The following WIZ variants were observed in gnomAD, a reference collection of about 807,000 sequenced individuals.
WIZ encodes protein Wiz.
Under a neutral mutation model 140.2 loss-of-function variants are expected in WIZ, and 25 were observed. The observed-to-expected ratio is 0.18, with a 90% confidence interval of 0.13 to 0.25. The LOEUF (loss-of-function observed/expected upper bound fraction) is 0.25. Among genes scored for constraint, WIZ ranks in the 10% least tolerant of loss-of-function variants. The pLI, the probability that WIZ is intolerant of heterozygous loss-of-function variation, is 1.00. For synonymous variants in WIZ, 1,125 were observed against 1,154.3 expected (o/e 0.97, Z 0.51); for missense variants, 2,231 against 2,632.6 (o/e 0.85, Z 3.34).
At chr19:15,426,784 CAAAT>C (rs1170090408) in intron 9 of WIZ, among the ~76,000 whole-genome samples, 194 bp downstream of exon 9, 6 of 152,336 alleles carry the variant, frequency 3.9e-5, no homozygotes, top group Non-Finnish European at 5.9e-5. Flanking sequence ...TCCTGCTTCT[CAAAT>C]GAATAAAGGA....
rs987226693 is a variant in WIZ at position 15,423,012 on chromosome 19, G to A, written c.*64C>T. The A allele has an allele frequency of 9.5e-6, 15 of 1,575,650 alleles. No individual in the cohort carries two copies. The highest frequency in any genetic ancestry group is 4.6e-5 in the South Asian group (4 of 86,234). ...CGGAAAGAAAGAGGAAGAGGGACAA[G>A]GACACAGAGGAGGAAGAAGAGGAGA... On this transcript the variant is annotated 3_prime_UTR_variant, in exon 13 of 13. Transcript: ENST00000673675.
At chr19:15,436,147 A>G (rs956497823) in intron 5 of WIZ, among the ~76,000 whole-genome samples, 2 of 152,202 alleles carry the variant, frequency 1.3e-5, no homozygotes, top group Non-Finnish European at 2.9e-5. Flanking sequence ...TCTAGACTCT[A>G]GATCTGCACT....
intron 5 of WIZ, among the ~76,000 whole-genome samples, chr19:15,434,341 C>A (rs1969435546): frequency 6.6e-6 from 1 of 150,806 alleles, no homozygotes; most frequent in Non-Finnish European, 1.5e-5. Context: ...GCGGGCGGAT[C>A]ACAAGGTCAG....
In WIZ at chr19:15,425,044, A is replaced by AG. The variant is rs777104566; in HGVS notation, c.4895-13dup. The stretch of plus-strand genomic sequence containing the variant: ...GCAGGCCTCGGTGGCTGCGGGGCGG[A>AG]GGGGGTGCTGCTGAGTCACAGCCCA... On this transcript the variant is annotated splice_polypyrimidine_tract_variant and intron_variant, in intron 10 of 12. Transcript: ENST00000673675. The AG allele has an allele frequency of 1.9e-6, 3 of 1,558,576 alleles. No individual in the cohort carries two copies. In the South Asian group the frequency reaches 3.5e-5, roughly 18 times the overall value.
chr19:15,428,644 T>C lies in WIZ; in HGVS notation c.3416-136A>G, dbSNP rs948473106. 6.4e-6 allele frequency: 7 copies of C among 1,100,218 alleles called. No homozygotes were observed. The highest frequency in any genetic ancestry group is 5.1e-5 in the East Asian group (2 of 38,882). The allele number at this position is 1,100,218 out of a possible 1,614,324, so 68.2% of individuals were successfully genotyped here. ...CCAAGACTCAGGCCGCAGATTTCTTTTGAAGTTTGGGAAGCAGGACATCCT... is the reference window on the plus strand; with the variant it reads ...CCAAGACTCAGGCCGCAGATTTCTTCTGAAGTTTGGGAAGCAGGACATCCT... On this transcript the variant is annotated intron_variant, in intron 7 of 12. Transcript: ENST00000673675. The surrounding 1 kb of genome is among the most constrained non-coding windows in gnomAD (Gnocchi z 6.4).
chr19:15,436,840 G>T lies in WIZ; in HGVS notation c.2706C>A (p.Thr902=), dbSNP rs774751005. 4 of 1,610,550 alleles carry T rather than the reference G, an allele frequency of 2.5e-6. No individual in the cohort carries two copies. In the East Asian group the frequency reaches 8.9e-5, roughly 36 times the overall value. Residue 902 remains threonine (T), a synonymous_variant, in exon 5 of 13, where the codon ACC becomes ACA. Transcript: ENST00000673675. ...AGGCTGGCCCAGGGTCCTCAGCCCA[G>T]GTGGGTGGAAAGGGCACCGTGAGAG... ...RLPLTVPFPP[T]WAEDPGPAYG...
In WIZ at chr19:15,424,308, T is replaced by C. The variant is rs1281893530; in HGVS notation, c.5385A>G (p.Leu1795=). The change falls in exon 12 of 13, where the codon CTA becomes CTG. Residue 1795 remains leucine, a synonymous_variant. Coordinates refer to ENST00000673675, the MANE Select transcript of WIZ (RefSeq NM_001371589.1). The surrounding 1 kb of genome is among the most constrained non-coding windows in gnomAD (Gnocchi z 9.7). ...GCCGCACCTCCTCCAGCTTCTGCTG[T>C]AGGTCATTGGTGTCCTCGCCTCCCC... is the stretch of plus-strand genomic sequence containing the variant. ...AARGGEDTND[L]QQKLEEVRQP... is the part of the protein sequence containing the mutation. The C allele has an allele frequency of 1.2e-6, 2 of 1,601,510 alleles. No individual in the cohort carries two copies. Among genetic ancestry groups the C allele is most frequent in the Non-Finnish European group, 1.7e-6 (2 of 1,176,128 alleles).
chr19:15,424,208 C>CGTAT lies in WIZ; in HGVS notation c.5484_5485insATAC (p.Gly1829IlefsTer13). On this transcript the variant is annotated frameshift_variant, in exon 12 of 13. Coordinates refer to ENST00000673675, the MANE Select transcript of WIZ (RefSeq NM_001371589.1). LOFTEE classifies it high-confidence loss of function. The surrounding 1 kb of genome is among the most constrained non-coding windows in gnomAD (Gnocchi z 9.7). ...CTGCATTTGAGGGTGTAGATGTTGC[C>CGTAT]CACGAACTTGACAAGTGATGTCTGG... 2 of 1,561,216 alleles carry CGTAT rather than the reference C, an allele frequency of 1.3e-6. No individual in the cohort carries two copies. The highest frequency in any genetic ancestry group is 2.0e-5 in the Admixed American group (1 of 50,898).
chr19:15,422,885 G>C lies in WIZ; in HGVS notation c.*191C>G. 1.3e-6 allele frequency: 1 copy of C among 790,336 alleles called. No individual in the cohort carries two copies. Among genetic ancestry groups the C allele is most frequent in the Non-Finnish European group, 1.9e-6 (1 of 515,592 alleles). The allele number at this position is 790,336 out of a possible 1,614,324, so 49.0% of individuals were successfully genotyped here. ...GACACCCTGTGGCCCCAGAGTCCTCGGGCTGGGGGAAGGGCAGCTAGCTGG... is the reference window on the plus strand; with the variant it reads ...GACACCCTGTGGCCCCAGAGTCCTCCGGCTGGGGGAAGGGCAGCTAGCTGG... On this transcript the variant is annotated 3_prime_UTR_variant, in exon 13 of 13. Transcript: ENST00000673675.
chr19:15,443,184 A>T (rs1969803764), intron 2 of WIZ, among the ~76,000 whole-genome samples: 1 of 152,012 alleles, frequency 6.6e-6, no homozygotes, highest in Non-Finnish European at 1.5e-5. Flanking sequence ...CGATTCTCCT[A>T]CCTTAGCCTC....
chr19:15,420,216 T>A lies in WIZ; in HGVS notation c.*2860A>T, dbSNP rs929551670. The A allele has an allele frequency of 3.7e-4, 56 of 152,196 alleles. No homozygotes were observed. The highest frequency in any genetic ancestry group is 3.0e-3 in the Admixed American group (46 of 15,280). The allele number at this position is 152,196 out of a possible 1,614,324, so 9.4% of individuals were successfully genotyped here. A position where few individuals can be genotyped will look rare whatever the true frequency, so the allele number is the denominator to read the frequency against. The stretch of plus-strand genomic sequence containing the variant: ...ACATTGGTCATGGGTTGGTGATGGA[T>A]AGATGAGAGTCCATTTTACTGTTTG... On this transcript the variant is annotated 3_prime_UTR_variant, in exon 13 of 13. Transcript: ENST00000673675.
intron 5 of WIZ, 47 bp from the exon 6 acceptor site, chr19:15,431,229 C>T: frequency 3.4e-6 from 5 of 1,461,674 alleles, no homozygotes; most frequent in Non-Finnish European, 4.5e-6. Context: ...TTCAGGCTGT[C>T]TATACCCAGA....
Position 15,427,281 on chromosome 19 carries a change from C to T in WIZ, c.4067G>A (p.Gly1356Asp). Reference protein sequence around the residue: ...KALAKMMGGAGPGSSLEARSP... With the variant: ...KALAKMMGGADPGSSLEARSP... ...GCGGGCTTCCAGTGAGCTGCCAGGA[C>T]CTGCGCCGCCCATCATCTTGGCCAG... Residue 1356 changes from glycine (G) to aspartate (D), a missense_variant, in exon 9 of 13, where the codon GGT becomes GAT. Gly to Asp is a moderately conservative substitution (Grantham distance 94). Transcript: ENST00000673675. The surrounding 1 kb of genome is among the most constrained non-coding windows in gnomAD (Gnocchi z 6.4). The T allele has an allele frequency of 1.2e-6, 2 of 1,613,668 alleles. No individual in the cohort carries two copies. The highest frequency in any genetic ancestry group is 2.2e-5 in the East Asian group (1 of 44,864).
At position 15,426,995 on chromosome 19, in the gene WIZ, T is replaced by C. The variant is rs1412778417; in HGVS notation, c.4353A>G (p.Thr1451=). 6.2e-7 allele frequency: 1 copy of C among 1,612,226 alleles called. No individual in the cohort carries two copies. The highest frequency in any genetic ancestry group is 8.5e-7 in the Non-Finnish European group (1 of 1,178,960). ...GPWGAPREDM[T]PLNLSSRAEP... is the part of the protein sequence containing the mutation. ...GGTCACACTTACACAGGTTCAGGGGTGTCATGTCTTCCCGTGGTGCCCCCC... is the reference window on the plus strand; with the variant it reads ...GGTCACACTTACACAGGTTCAGGGGCGTCATGTCTTCCCGTGGTGCCCCCC... Residue 1451 remains threonine (T), a synonymous_variant, in exon 9 of 13, where the codon ACA becomes ACG. Transcript: ENST00000673675.
Position 15,429,896 on chromosome 19 carries a change from G to C in WIZ, c.3105C>G (p.Gly1035=). The part of the protein sequence containing the change: ...LPDAHLGLPP[G]LAKKSSSLKE... ...TCAGTGAGCTGGACTTCTTAGCCAG[G>C]CCTGGGGGCAGCCCAAGGTGGGCGT... The change falls in exon 7 of 13, where the codon GGC becomes GGG. Residue 1035 remains glycine, a synonymous_variant. Transcript: ENST00000673675. 2 of 1,535,926 alleles carry C rather than the reference G, an allele frequency of 1.3e-6. No homozygotes were observed. Among genetic ancestry groups the C allele is most frequent in the Non-Finnish European group, 1.7e-6 (2 of 1,146,764 alleles).
chr19:15,428,306 G>C lies in WIZ; in HGVS notation c.3618C>G (p.Arg1206=), dbSNP rs568869884. Reference sequence around the variant, plus strand: ...GCCGCCCCGGGTGGGCCAGGGCGCCGCGCCTGGGTGGGAGGCGGATCTGGA... The same window carrying C: ...GCCGCCCCGGGTGGGCCAGGGCGCCCCGCCTGGGTGGGAGGCGGATCTGGA... ...DGVQIRLPPR[R]GALAHPGRPP... Residue 1206 remains arginine, a synonymous_variant, in exon 8 of 13, where the codon CGC becomes CGG. Coordinates refer to ENST00000673675, the MANE Select transcript of WIZ (RefSeq NM_001371589.1). The surrounding 1 kb of genome is among the most constrained non-coding windows in gnomAD (Gnocchi z 6.4). 6.5e-7 allele frequency: 1 copy of C among 1,532,394 alleles called. No homozygotes were observed. The highest frequency in any genetic ancestry group is 8.7e-7 in the Non-Finnish European group (1 of 1,145,520). 94.9% of individuals were successfully genotyped at this position (1,532,394 alleles called of 1,614,324 possible).
In WIZ at chr19:15,424,713, C is replaced by T; in HGVS notation, c.5214G>A (p.Gly1738=). 1 of 1,578,788 alleles carries T rather than the reference C, an allele frequency of 6.3e-7. No homozygotes were observed. ...CGTCGGCTGCCCGGCCAGCCTCGGG[C>T]CCTGGCTCCCCTCCGGCACTGCGGC... ...VVGRSAGGEP[G]PEAGRAADGG... Residue 1738 remains glycine (G), a synonymous_variant, in exon 11 of 13, where the codon GGG becomes GGA. Transcript: ENST00000673675. This position sits in a 1 kb window ranked among gnomAD's most constrained non-coding sequence, Gnocchi z 9.7.
Position 15,424,077 on chromosome 19 carries a change from C to G in WIZ, c.5510+106G>C. 9.0e-7 allele frequency: 1 copy of G among 1,111,608 alleles called. No homozygotes were observed. Among genetic ancestry groups the G allele is most frequent in the African/African-American group, 1.6e-5 (1 of 60,676 alleles). The allele number at this position is 1,111,608 out of a possible 1,614,324, so 68.9% of individuals were successfully genotyped here. A position where few individuals can be genotyped will look rare whatever the true frequency, so the allele number is the denominator to read the frequency against. On this transcript the variant is annotated intron_variant, in intron 12 of 12. Coordinates refer to ENST00000673675, the MANE Select transcript of WIZ (RefSeq NM_001371589.1). This position sits in a 1 kb window ranked among gnomAD's most constrained non-coding sequence, Gnocchi z 9.7. ...GCCCCACCACACCCAAGGGCAGCCA[C>G]TGAGGCGACACCTCCCAGCTTCCAC...
chr19:15,431,771 C>T (rs1007678914), intron 5 of WIZ, among the ~76,000 whole-genome samples: 4 of 152,244 alleles, frequency 2.6e-5, no homozygotes, highest in South Asian at 2.1e-4. Context: ...TATCTGACTT[C>T]GGACAGAAAG....
Sources: allele counts gnomAD v4.1 joint callset (sites outside exome capture counted in the v4.1 genomes callset), GRCh38; gene constraint gnomAD v4.1.1; non-coding constraint Gnocchi (gnomAD v3.1); transcripts MANE v1.5; gene names NCBI Gene and HGNC (gene_info 2026-07-23, HGNC 2026-07-21).